The following ANKRD29 variants were observed in gnomAD, a reference collection of about 807,000 sequenced individuals.
The protein encoded by ANKRD29 is ankyrin repeat domain 29, also known as ankyrin repeat domain-containing protein 29.
ANKRD29 carries 32 observed loss-of-function variants against 38.0 expected under a neutral mutation model. That is an observed-to-expected ratio of 0.84 (90% CI 0.64 to 1.13). The LOEUF (loss-of-function observed/expected upper bound fraction) is 1.13, where lower values mean the gene tolerates loss of function less well. Ranked by LOEUF, ANKRD29 falls within the 50% of genes most tolerant of loss-of-function variation. The pLI, the probability that ANKRD29 is intolerant of heterozygous loss-of-function variation, is 0.00. For missense variants in ANKRD29, 357 were observed against 377.9 expected, an observed-to-expected ratio of 0.94 and a Z score of 0.46; for synonymous variants, 135 against 152.4, an observed-to-expected ratio of 0.89 and a Z score of 0.84.
chr18:23,624,929 C>T (rs1164951637), intron 6 of ANKRD29, among the ~76,000 whole-genome samples: 1 of 152,204 alleles, frequency 6.6e-6, no homozygotes, highest in African/African-American at 2.4e-5. Context: ...CTTGTATGGT[C>T]TTATGTAGGC....
rs28662805 is a variant in ANKRD29, at chr18:23,600,963, A to C, written c.*263T>G. 0.013 allele frequency: 4,088 copies of C among 306,638 alleles called. 156 individuals are homozygous for C. Among genetic ancestry groups the C allele is most frequent in the African/African-American group, 0.081 (3,790 of 46,918 alleles). The allele number at this position is 306,638 out of a possible 1,614,324, so 19.0% of individuals were successfully genotyped here. A position where few individuals can be genotyped will look rare whatever the true frequency, so the allele number is the denominator to read the frequency against. Reference sequence around the variant, plus strand: ...CATTGTTGAAAATGAGTTTCTGTGGAATCTGTGAACATGCCAGGCCCCCCG... The same window carrying C: ...CATTGTTGAAAATGAGTTTCTGTGGCATCTGTGAACATGCCAGGCCCCCCG... On this transcript the variant is annotated 3_prime_UTR_variant, in exon 10 of 10. Coordinates refer to ENST00000592179, the MANE Select transcript of ANKRD29 (RefSeq NM_173505.4).
chr18:23,662,622 ATCCC>A, intron 1 of ANKRD29, 84 bp downstream of exon 1: 4 of 65,696 alleles, frequency 6.1e-5, no homozygotes, highest in Middle Eastern at 5.2e-3. Context: ...CGCCCACCCC[ATCCC>A]ACCCCATCCC....
At chr18:23,637,878 T>A (rs2060022529) in intron 4 of ANKRD29, among the ~76,000 whole-genome samples, 1 of 152,136 alleles carries the variant, frequency 6.6e-6, no homozygotes, top group Non-Finnish European at 1.5e-5. Flanking sequence ...CTTACGGCAG[T>A]TCAAATTCTG....
At position 23,662,714 on chromosome 18, in the gene ANKRD29, A is replaced by G. The variant is rs1441334385; in HGVS notation, c.17T>C (p.Phe6Ser). The change falls in exon 1 of 10, where the codon TTC (phenylalanine) becomes TCC (serine). Residue 6 changes from phenylalanine to serine, a missense_variant. By Grantham distance (155) the Phe-to-Ser change is radical. Transcript: ENST00000592179. MCRMS[F>S]KKETPLANAA... ...CCCGGAGTCCCGGTCGCTCACCTTG[A>G]AGGACATCCTGCACATGTCCGCGGC... 4 of 1,476,874 alleles carry G rather than the reference A, an allele frequency of 2.7e-6. No homozygotes were observed. The highest frequency in any genetic ancestry group is 3.6e-6 in the Non-Finnish European group (4 of 1,121,314). The allele number at this position is 1,476,874 out of a possible 1,614,324, so 91.5% of individuals were successfully genotyped here. A position where few individuals can be genotyped will look rare whatever the true frequency, so the allele number is the denominator to read the frequency against.
At chr18:23,621,045 C>T (rs912922387) in intron 6 of ANKRD29, among the ~76,000 whole-genome samples, 1 of 152,124 alleles carries the variant, frequency 6.6e-6, no homozygotes, top group Non-Finnish European at 1.5e-5. Context: ...AGGCTCTCCA[C>T]CCCCATCTCA....
At chr18:23,613,164 ATTTT>A (rs546475443) in intron 8 of ANKRD29, among the ~76,000 whole-genome samples, 1 of 99,048 alleles carries the variant, frequency 1.0e-5, no homozygotes. Context: ...ACGGGTCAGA[ATTTT>A]TTTTTTTTTT....
chr18:23,612,575 C>A (rs1326770418), intron 8 of ANKRD29, among the ~76,000 whole-genome samples: 2 of 152,148 alleles, frequency 1.3e-5, no homozygotes, highest in African/African-American at 4.8e-5. Context: ...TTTTGCTGAG[C>A]CACTTCCAGC....
intron 4 of ANKRD29, among the ~76,000 whole-genome samples, chr18:23,634,672 T>G (rs2059980784): frequency 6.6e-6 from 1 of 152,230 alleles, no homozygotes; most frequent in African/African-American, 2.4e-5. Flanking sequence ...GTTGTATATG[T>G]GGGCGGCTTG....
At position 23,632,529 on chromosome 18, in the gene ANKRD29, G is replaced by GTATATATATATATATATATA. The variant is rs1319966480; in HGVS notation, c.429+1521_429+1522insTATATATATATATATATATA. Among the ~76,000 whole-genome samples the GTATATATATATATATATATA allele has an allele frequency of 3.2e-3, 217 of 68,050 alleles. 1 individual carries two copies. Among genetic ancestry groups the GTATATATATATATATATATA allele is most frequent in the Middle Eastern group, 8.6e-3 (1 of 116 alleles). The allele number at this position is 68,050 out of a possible 152,430, so 44.6% of individuals were successfully genotyped here. A position where few individuals can be genotyped will look rare whatever the true frequency, so the allele number is the denominator to read the frequency against. ...TTTCCTATTCAGTGTGTGTGTGTGT[G>GTATATATATATATATATATA]TGTGTATATATATATATATTACACA... On this transcript the variant is annotated intron_variant, in intron 5 of 9. Transcript: ENST00000592179.
chr18:23,628,605 G>A (rs1266662587), intron 6 of ANKRD29, among the ~76,000 whole-genome samples: 1 of 152,206 alleles, frequency 6.6e-6, no homozygotes, highest in Non-Finnish European at 1.5e-5. Flanking sequence ...GGAGCCCAAG[G>A]TGTGTGGATC....
chr18:23,639,083 T>C, intron 3 of ANKRD29, 136 bp from the exon 4 acceptor site: 1 of 580,328 alleles, frequency 1.7e-6, no homozygotes, highest in Non-Finnish European at 2.8e-6. Context: ...TTGAACAGAT[T>C]CTTATTTTTT....
chr18:23,605,461 T>A (rs1468580962), intron 9 of ANKRD29, among the ~76,000 whole-genome samples: 1 of 152,034 alleles, frequency 6.6e-6, no homozygotes, highest in East Asian at 1.9e-4. Flanking sequence ...CTAGGCCTCC[T>A]GAAGTGCTGA....
intron 9 of ANKRD29, among the ~76,000 whole-genome samples, chr18:23,604,924 T>G (rs532902423): frequency 6.6e-6 from 1 of 152,270 alleles, no homozygotes; most frequent in Admixed American, 6.5e-5. Context: ...TTATTTTATT[T>G]TATTTATTTA....
chr18:23,649,264 T>C, intron 1 of ANKRD29, 71 bp from the exon 2 acceptor site: 1 of 1,105,700 alleles, frequency 9.0e-7, no homozygotes, highest in Non-Finnish European at 1.3e-6. Flanking sequence ...TGCACATAGA[T>C]AATAACATTC....
chr18:23,656,046 T>C (rs1361845483), intron 1 of ANKRD29, among the ~76,000 whole-genome samples: 1 of 133,626 alleles, frequency 7.5e-6, no homozygotes, highest in African/African-American at 2.9e-5. Flanking sequence ...TGAGCCGAGA[T>C]CCCGCCACTG....
rs118060665 is a variant in ANKRD29 at position 23,615,578 on chromosome 18, T to G, written c.723+2154A>C. ...TGCATGCCATCATGACCAGTTAATT[T>G]TAAAAACATTTTTTGTGGAGATGGA... On this transcript the variant is annotated intron_variant, in intron 8 of 9. Transcript: ENST00000592179. Among the ~76,000 whole-genome samples, 155 of 152,054 alleles carry G rather than the reference T, an allele frequency of 1.0e-3. No individual in the cohort carries two copies. The East Asian group carries it at 0.029, about 28-fold the overall frequency.
rs1222380191 is a variant in ANKRD29 at position 23,605,366 on chromosome 18, T to C, written c.823-4057A>G. Reference sequence around the variant, plus strand: ...GACTACAGGTGTGTGCCACTATCCCTGGCTTATTTTTTTTCTGGAGAGATA... The same window carrying C: ...GACTACAGGTGTGTGCCACTATCCCCGGCTTATTTTTTTTCTGGAGAGATA... On this transcript the variant is annotated intron_variant, in intron 9 of 9. Transcript: ENST00000592179. Among the ~76,000 whole-genome samples the C allele has an allele frequency of 6.6e-5, 10 of 152,132 alleles. No individual in the cohort carries two copies. In the East Asian group the frequency reaches 1.7e-3, roughly 26 times the overall value.
At chr18:23,637,719 G>GA (rs1005839404) in intron 4 of ANKRD29, among the ~76,000 whole-genome samples, 5 of 151,668 alleles carry the variant, frequency 3.3e-5, no homozygotes, top group East Asian at 1.9e-4. Flanking sequence ...CATTTTAACA[G>GA]AAAAAAAATC....
intron 7 of ANKRD29, among the ~76,000 whole-genome samples, chr18:23,618,047 G>A (rs1461771252): frequency 6.6e-6 from 1 of 152,174 alleles, no homozygotes; most frequent in Non-Finnish European, 1.5e-5. Flanking sequence ...GATTATGTTA[G>A]AACTCTGCCA....
Sources: allele counts gnomAD v4.1 joint callset (sites outside exome capture counted in the v4.1 genomes callset), GRCh38; gene constraint gnomAD v4.1.1; transcripts MANE v1.5; gene names NCBI Gene and HGNC (gene_info 2026-07-23, HGNC 2026-07-21).